Variants in SNX6 observed in about 807,000 individuals in gnomAD.
The protein encoded by SNX6 is sorting nexin 6.
A neutral mutation model predicts 63.0 loss-of-function variants in SNX6; 34 were observed. The ratio of observed to expected loss-of-function variants is 0.54; its 90% CI spans 0.41 to 0.72. SNX6 has a LOEUF of 0.72. SNX6 is among the 30% of genes least tolerant of loss of function. The pLI, the probability that SNX6 is intolerant of heterozygous loss-of-function variation, is 0.00. For missense variants in SNX6, 398 were observed against 471.4 expected, an observed-to-expected ratio of 0.84 and a Z score of 1.44; for synonymous variants, 170 against 164.2, an observed-to-expected ratio of 1.04 and a Z score of -0.27.
At chr14:34,604,025 G>C (rs966259813) in intron 5 of SNX6, 2 of 800,046 alleles carry the variant, frequency 2.5e-6, no homozygotes, top group African/African-American at 3.8e-5. Flanking sequence ...GAATCCCAGA[G>C]ACCACAAAGT....
In SNX6 at chr14:34,581,165, TTTTC is replaced by T. The variant is rs1186116870; in HGVS notation, c.834+392_834+395del. Among the ~76,000 whole-genome samples the T allele has an allele frequency of 2.6e-5, 4 of 152,192 alleles. No homozygotes were observed. In the South Asian group the frequency reaches 8.3e-4, roughly 31 times the overall value. On this transcript the variant is annotated intron_variant, in intron 10 of 13. Transcript: ENST00000362031. ...GGTTAACAGTGATTACTCTTTTTAT[TTTTC>T]TTTGAGACAGAGTCTTGCTCTCTCG...
At chr14:34,563,588 T>C (rs1422165522) in intron 13 of SNX6, among the ~76,000 whole-genome samples, 2 of 150,452 alleles carry the variant, frequency 1.3e-5, no homozygotes, top group Admixed American at 6.6e-5. Flanking sequence ...AAAAAAAATA[T>C]AGTGTTAGAA....
At chr14:34,595,755 C>A (rs953583713) in intron 7 of SNX6, among the ~76,000 whole-genome samples, 1 of 125,818 alleles carries the variant, frequency 7.9e-6, no homozygotes, top group South Asian at 2.4e-4. Context: ...GTACTCTACA[C>A]ACCGATTTTA....
rs559091243 is a variant in SNX6, at chr14:34,565,750, C to T, written c.1167+1936G>A. On this transcript the variant is annotated intron_variant, in intron 13 of 13. Coordinates refer to ENST00000362031, the MANE Select transcript of SNX6 (RefSeq NM_152233.4). Reference sequence around the variant, plus strand: ...TGTCTCCCAGGCTGGAGTGCAGTGACGCAATCTTGGCTCACTGCAAGCTCC... The same window carrying T: ...TGTCTCCCAGGCTGGAGTGCAGTGATGCAATCTTGGCTCACTGCAAGCTCC... Among the ~76,000 whole-genome samples the T allele has an allele frequency of 6.0e-4, 90 of 150,440 alleles. 1 individual carries two copies. In the South Asian group the frequency reaches 0.016, roughly 27 times the overall value.
chr14:34,563,164 C>G lies in SNX6; in HGVS notation c.1179G>C (p.Gln393His). The G allele has an allele frequency of 1.2e-6, 2 of 1,613,690 alleles. No homozygotes were observed. Among genetic ancestry groups the G allele is most frequent in the Non-Finnish European group, 1.7e-6 (2 of 1,179,770 alleles). Residue 393 changes from glutamine to histidine, a missense_variant, in exon 14 of 14, where the codon CAG becomes CAC. Gln to His is a conservative substitution (Grantham distance 24). Transcript: ENST00000362031. ...LELKHAKGNL[Q>H]LLQNCLAVLN... ...ACACTGCCAGGCAGTTCTGCAGCAA[C>G]TGTAGATTACCCTAAAAAAGGAAGA...
At chr14:34,625,180 G>C (rs561239957) in intron 2 of SNX6, among the ~76,000 whole-genome samples, 1 of 152,196 alleles carries the variant, frequency 6.6e-6, no homozygotes, top group African/African-American at 2.4e-5. Flanking sequence ...CTCCCAAAGT[G>C]TTGGGATTAT....
chr14:34,586,252 G>T lies in SNX6; in HGVS notation c.772C>A (p.Gln258Lys). 1.2e-6 allele frequency: 2 copies of T among 1,606,618 alleles called. No homozygotes were observed. Among genetic ancestry groups the T allele is most frequent in the Non-Finnish European group, 1.7e-6 (2 of 1,173,808 alleles). Residue 258 changes from glutamine to lysine, a missense_variant, in exon 9 of 14, where the codon CAG becomes AAG. Physicochemically the swap from Gln to Lys is moderately conservative, Grantham distance 53. Coordinates refer to ENST00000362031, the MANE Select transcript of SNX6 (RefSeq NM_152233.4). Reference sequence around the variant, plus strand: ...TACTTGCATATATCTGTAGAATCCTGAGTTCCTAAAGCATATAATGAAGAA... The same window carrying T: ...TACTTGCATATATCTGTAGAATCCTTAGTTCCTAAAGCATATAATGAAGAA... ...IGSSLYALGT[Q>K]DSTDICKFFL...
intron 2 of SNX6, among the ~76,000 whole-genome samples, chr14:34,620,946 A>C (rs1883599550): frequency 6.6e-6 from 1 of 152,116 alleles, no homozygotes; most frequent in Non-Finnish European, 1.5e-5. Context: ...CCTCAAAAAA[A>C]AAATAAAAAA....
chr14:34,623,459 A>G (rs1883703806), intron 2 of SNX6, among the ~76,000 whole-genome samples: 1 of 152,192 alleles, frequency 6.6e-6, no homozygotes, highest in South Asian at 2.1e-4. Context: ...AAGGGGTCCA[A>G]GGAAGTCCTT....
chr14:34,607,607 T>C lies in SNX6; in HGVS notation c.270+423A>G, dbSNP rs138612102. 1.4e-3 allele frequency among the ~76,000 whole-genome samples: 212 copies of C among 149,932 alleles called. 1 individual carries two copies. The highest frequency in any genetic ancestry group is 4.7e-3 in the African/African-American group (193 of 40,692). On this transcript the variant is annotated intron_variant, in intron 4 of 13. Transcript: ENST00000362031. ...CCTGAGCAACACAAGTGAGACTCTG[T>C]CTCTAAAAAACATAACAGGGCCGGG...
At chr14:34,610,343 A>G (rs972607072) in intron 2 of SNX6, among the ~76,000 whole-genome samples, 21 of 125,962 alleles carry the variant, frequency 1.7e-4, no homozygotes, top group Non-Finnish European at 2.0e-4. Flanking sequence ...TGACAGAGCA[A>G]AACCGTCTCA....
At chr14:34,586,858 T>C (rs1231051750) in intron 8 of SNX6, among the ~76,000 whole-genome samples, 1 of 148,702 alleles carries the variant, frequency 6.7e-6, no homozygotes, top group African/African-American at 2.5e-5. Flanking sequence ...AAATACAAAA[T>C]ATTAGCCGGG....
chr14:34,589,928 T>C (rs926259274), intron 8 of SNX6, among the ~76,000 whole-genome samples: 2 of 151,632 alleles, frequency 1.3e-5, no homozygotes, highest in South Asian at 2.1e-4. Flanking sequence ...CCAAGCAACA[T>C]AGCAAGACCC....
chr14:34,609,585 A>G, intron 3 of SNX6, 53 bp downstream of exon 3: 3 of 1,094,332 alleles, frequency 2.7e-6, no homozygotes, highest in Non-Finnish European at 4.2e-6. Flanking sequence ...AACATATCAC[A>G]TATGTAGTAT....
intron 11 of SNX6, among the ~76,000 whole-genome samples, chr14:34,571,369 A>C (rs1298470585): frequency 6.6e-6 from 1 of 151,864 alleles, no homozygotes; most frequent in Non-Finnish European, 1.5e-5. Context: ...GGAAATGGAG[A>C]TTACAGTGAG....
At chr14:34,576,058 G>A (rs932953476) in intron 10 of SNX6, among the ~76,000 whole-genome samples, 1 of 151,488 alleles carries the variant, frequency 6.6e-6, no homozygotes, top group African/African-American at 2.4e-5. Context: ...CGAGCAGCTG[G>A]GACTACAGGC....
intron 6 of SNX6, among the ~76,000 whole-genome samples, chr14:34,601,632 TC>T (rs1882818649): frequency 6.6e-6 from 1 of 151,624 alleles, no homozygotes; most frequent in Non-Finnish European, 1.5e-5. Context: ...TTCAGTCTTG[TC>T]CCCCAGGCTG....
At chr14:34,563,386 A>G (rs12885939) in intron 13 of SNX6, among the ~76,000 whole-genome samples, 2 of 152,064 alleles carry the variant, frequency 1.3e-5, no homozygotes, top group East Asian at 1.9e-4. Flanking sequence ...GTGAAACCCC[A>G]TCTCTACTAA....
At chr14:34,601,204 G>C (rs1882798035) in intron 6 of SNX6, among the ~76,000 whole-genome samples, 1 of 150,944 alleles carries the variant, frequency 6.6e-6, no homozygotes. Flanking sequence ...ATTAGTCAAT[G>C]TGATAACCCT....
Sources: allele counts gnomAD v4.1 joint callset (sites outside exome capture counted in the v4.1 genomes callset), GRCh38; gene constraint gnomAD v4.1.1; transcripts MANE v1.5; gene names NCBI Gene and HGNC (gene_info 2026-07-23, HGNC 2026-07-21).